LRRC37A2: variants seen among roughly 807,000 people sequenced by gnomAD.
The protein encoded by LRRC37A2 is leucine rich repeat containing 37 member A2, also known as leucine-rich repeat-containing protein 37A2.
LRRC37A2 carries 9 observed loss-of-function variants against 68.8 expected under a neutral mutation model. That is an observed-to-expected ratio of 0.13 (90% CI 0.08 to 0.23). The LOEUF (loss-of-function observed/expected upper bound fraction) is 0.23. Among genes scored for constraint, LRRC37A2 ranks in the 10% least tolerant of loss-of-function variants. LRRC37A2 has a pLI of 1.00. For missense variants in LRRC37A2, 168 were observed against 950.4 expected, an observed-to-expected ratio of 0.18 and a Z score of 10.82; for synonymous variants, 63 against 367.6, an observed-to-expected ratio of 0.17 and a Z score of 9.48.
the LRRC37A2 span, among the ~76,000 whole-genome samples, chr17:47,025,047 G>T: frequency 0.92 from 138,834 of 151,656 alleles, 63,992 homozygotes; most frequent in East Asian, 0.99. Flanking sequence ...CTTTTTCTAT[G>T]CGGTCTACAA....
the LRRC37A2 span, among the ~76,000 whole-genome samples, chr17:46,958,562 T>C: frequency 5.3e-5 from 8 of 152,182 alleles, no homozygotes; most frequent in African/African-American, 1.9e-4. Context: ...GAGCTCCTTT[T>C]GAGCTGCTTA....
chr17:46,822,248 G>T, the LRRC37A2 span, among the ~76,000 whole-genome samples: 2 of 152,182 alleles, frequency 1.3e-5, no homozygotes, highest in Admixed American at 6.5e-5. Context: ...GAGCTCCCTA[G>T]AGGCCACTGG....
the LRRC37A2 span, among the ~76,000 whole-genome samples, chr17:46,896,127 A>G: frequency 6.6e-6 from 1 of 151,758 alleles, no homozygotes; most frequent in African/African-American, 2.4e-5. Context: ...AAAAACCAAA[A>G]AGAAAAAACA....
At chr17:46,937,448 T>C in the LRRC37A2 span, 1 of 152,234 alleles carries the variant, frequency 6.6e-6, no homozygotes, top group Non-Finnish European at 1.5e-5. Context: ...TGTTGAGATA[T>C]AATTTACAGA....
the LRRC37A2 span, among the ~76,000 whole-genome samples, chr17:46,687,361 T>C: frequency 1.3e-5 from 2 of 150,846 alleles, no homozygotes; most frequent in Non-Finnish European, 3.0e-5. Flanking sequence ...AATAGATGTC[T>C]TGTTAACTCT....
At chr17:46,950,127 AT>A in the LRRC37A2 span, among the ~76,000 whole-genome samples, 7 of 152,336 alleles carry the variant, frequency 4.6e-5, no homozygotes, top group South Asian at 1.5e-3. Context: ...GGAACTTGAG[AT>A]TCTCTTTCTC....
chr17:46,876,432 C>A, the LRRC37A2 span: 4 of 1,613,624 alleles, frequency 2.5e-6, no homozygotes, highest in African/African-American at 4.0e-5. Context: ...GAGCTGTGGG[C>A]CCCTGCCAGG....
chr17:46,913,976 C>G, the LRRC37A2 span, among the ~76,000 whole-genome samples: 1 of 152,172 alleles, frequency 6.6e-6, no homozygotes, highest in East Asian at 1.9e-4. Flanking sequence ...CTAGACTGGT[C>G]GCAAACTCCT....
the LRRC37A2 span, among the ~76,000 whole-genome samples, chr17:46,881,022 G>A: frequency 5.9e-5 from 9 of 152,204 alleles, no homozygotes; most frequent in African/African-American, 1.4e-4. Flanking sequence ...ATTTACACAC[G>A]AATCCTGTGT....
the LRRC37A2 span, among the ~76,000 whole-genome samples, chr17:46,863,649 A>C: frequency 2.6e-5 from 4 of 152,198 alleles, no homozygotes; most frequent in Non-Finnish European, 5.9e-5. Context: ...AAAAAAGGAC[A>C]TGGCTATAAA....
the LRRC37A2 span, among the ~76,000 whole-genome samples, chr17:46,747,711 C>G: frequency 6.6e-6 from 1 of 151,948 alleles, no homozygotes; most frequent in African/African-American, 2.4e-5. Flanking sequence ...TGATACTAAC[C>G]TGAAAAGTAT....
the LRRC37A2 span, among the ~76,000 whole-genome samples, chr17:47,022,091 C>T: frequency 6.7e-6 from 1 of 149,866 alleles, no homozygotes; most frequent in Admixed American, 6.7e-5. Flanking sequence ...ATTTGGTAGG[C>T]TCTCTTTAAA....
the LRRC37A2 span, among the ~76,000 whole-genome samples, chr17:46,767,718 C>CTT: frequency 6.6e-6 from 1 of 152,184 alleles, no homozygotes; most frequent in Non-Finnish European, 1.5e-5. Context: ...TCATAACTAA[C>CTT]TTGTGTAAAA....
At chr17:47,021,909 GGA>G in the LRRC37A2 span, 1 of 1,521,134 alleles carries the variant, frequency 6.6e-7, no homozygotes, top group Non-Finnish European at 9.1e-7. Context: ...GTGTACAGTT[GGA>G]CCGAGAAACT....
At chr17:46,931,096 C>T in the LRRC37A2 span, 3 of 1,444,788 alleles carry the variant, frequency 2.1e-6, no homozygotes, top group East Asian at 2.3e-5. Flanking sequence ...CTTTTTTGTA[C>T]AGTAGTAGAA....
chr17:46,863,623 G>A, the LRRC37A2 span, among the ~76,000 whole-genome samples: 6 of 152,298 alleles, frequency 3.9e-5, no homozygotes, highest in Admixed American at 2.0e-4. Context: ...CTGGGACCTC[G>A]GGGTGATCAA....
chr17:46,791,230 C>A, the LRRC37A2 span, among the ~76,000 whole-genome samples: 1 of 148,884 alleles, frequency 6.7e-6, no homozygotes, highest in Non-Finnish European at 1.5e-5. Context: ...TTTTTTTTTT[C>A]TGAGACAGAG....
At chr17:46,707,250 T>G in the LRRC37A2 span, among the ~76,000 whole-genome samples, 1 of 152,240 alleles carries the variant, frequency 6.6e-6, no homozygotes, top group African/African-American at 2.4e-5. Context: ...TTTCTCCATA[T>G]GTTAATTGAC....
At chr17:47,019,701 G>A in the LRRC37A2 span, 52 of 1,231,980 alleles carry the variant, frequency 4.2e-5, no homozygotes, top group Non-Finnish European at 5.6e-5. Flanking sequence ...CTGTACCTGC[G>A]GAGATGAGAT....
Sources: gnomAD v4.1 joint callset for allele counts (sites outside exome capture counted in the v4.1 genomes callset) on GRCh38, gnomAD v4.1.1 for gene constraint, MANE v1.5 for transcripts, NCBI Gene and HGNC (gene_info 2026-07-23, HGNC 2026-07-21) for gene names.